Variants in UNC5C observed in about 807,000 individuals in gnomAD.
The protein encoded by UNC5C is unc-5 netrin receptor C, also known as netrin receptor UNC5C.
Under a neutral mutation model 99.8 loss-of-function variants are expected in UNC5C, and 47 were observed. That is an observed-to-expected ratio of 0.47 (90% CI 0.37 to 0.60). The LOEUF (loss-of-function observed/expected upper bound fraction) is 0.60. UNC5C is among the 20% of genes least tolerant of loss of function. The pLI, the probability that UNC5C is intolerant of heterozygous loss-of-function variation, is 0.00. For missense variants in UNC5C, 1,062 were observed against 1,165.9 expected, an observed-to-expected ratio of 0.91 and a Z score of 1.30; for synonymous variants, 487 against 452.2, an observed-to-expected ratio of 1.08 and a Z score of -0.98.
intron 2 of UNC5C, among the ~76,000 whole-genome samples, chr4:95,309,021 G>A (rs1216722825): frequency 6.6e-6 from 1 of 152,164 alleles, no homozygotes; most frequent in Non-Finnish European, 1.5e-5. Context: ...CACACTACTT[G>A]ATCTCCACAT....
chr4:95,186,051 A>C (rs1455615310), intron 12 of UNC5C, among the ~76,000 whole-genome samples: 5 of 152,190 alleles, frequency 3.3e-5, no homozygotes, highest in African/African-American at 7.2e-5. Flanking sequence ...AGCATTTCCA[A>C]CTGCAGCTGT....
intron 1 of UNC5C, among the ~76,000 whole-genome samples, chr4:95,369,976 A>C (rs1183221309): frequency 6.6e-6 from 1 of 151,986 alleles, no homozygotes; most frequent in African/African-American, 2.4e-5. Flanking sequence ...TTCACTGTCC[A>C]CAAGAATACA....
chr4:95,268,730 C>T (rs1452994828), intron 4 of UNC5C, among the ~76,000 whole-genome samples: 1 of 152,184 alleles, frequency 6.6e-6, no homozygotes, highest in Non-Finnish European at 1.5e-5. Flanking sequence ...CCACATGCCA[C>T]CCAACATGAA....
intron 1 of UNC5C, among the ~76,000 whole-genome samples, chr4:95,475,179 A>T (rs1031732392): frequency 3.9e-5 from 6 of 152,132 alleles, no homozygotes; most frequent in Non-Finnish European, 7.4e-5. Flanking sequence ...GGGATAATCT[A>T]GTCTTAAATT....
At chr4:95,202,993 T>TAA (rs1342739992) in intron 11 of UNC5C, 29 bp from the exon 12 acceptor site, 2 of 1,610,892 alleles carry the variant, frequency 1.2e-6, no homozygotes, top group Non-Finnish European at 1.7e-6. Flanking sequence ...GGGCCATGGC[T>TAA]AAGTCACCCA....
intron 2 of UNC5C, among the ~76,000 whole-genome samples, chr4:95,313,650 C>G (rs1742360501): frequency 6.6e-6 from 1 of 152,166 alleles, no homozygotes; most frequent in East Asian, 1.9e-4. Flanking sequence ...TTCTGAGTGA[C>G]TACCACTTAA....
intron 14 of UNC5C, among the ~76,000 whole-genome samples, chr4:95,178,324 G>GC (rs900843777): frequency 2.0e-4 from 31 of 152,318 alleles, no homozygotes; most frequent in African/African-American, 6.0e-4. Flanking sequence ...GTGCCCTGGG[G>GC]CCCCCCTGGG....
intron 1 of UNC5C, among the ~76,000 whole-genome samples, chr4:95,371,935 G>A (rs1463488646): frequency 6.6e-6 from 1 of 152,106 alleles, no homozygotes. Flanking sequence ...TTCAAGCTAT[G>A]TGTCTTTCTG....
intron 3 of UNC5C, among the ~76,000 whole-genome samples, chr4:95,292,619 T>G (rs1741519382): frequency 1.3e-5 from 2 of 152,028 alleles, no homozygotes; most frequent in African/African-American, 4.8e-5. Flanking sequence ...AATAAGTAAA[T>G]GTATGATGGT....
intron 1 of UNC5C, among the ~76,000 whole-genome samples, chr4:95,547,485 T>C (rs943809487): frequency 6.6e-6 from 1 of 152,154 alleles, no homozygotes; most frequent in Non-Finnish European, 1.5e-5. Flanking sequence ...GGGGCTATCG[T>C]AAAGCCTCCC....
chr4:95,265,903 G>A (rs368873726), intron 4 of UNC5C, among the ~76,000 whole-genome samples: 10 of 151,982 alleles, frequency 6.6e-5, no homozygotes, highest in South Asian at 2.1e-4. Flanking sequence ...AATGAGATAC[G>A]AAAAGAAAGC....
chr4:95,443,555 G>T (rs139803715), intron 1 of UNC5C, among the ~76,000 whole-genome samples: 79 of 152,232 alleles, frequency 5.2e-4, no homozygotes, highest in African/African-American at 1.8e-3. Context: ...GAGGAATCTA[G>T]GACCTTTGAG....
chr4:95,307,120 T>C (rs983950802), intron 2 of UNC5C, among the ~76,000 whole-genome samples: 2 of 150,508 alleles, frequency 1.3e-5, no homozygotes, highest in African/African-American at 5.0e-5. Context: ...TAAAGTGTGA[T>C]AACTTAAAAG....
chr4:95,369,858 C>T (rs967640179), intron 1 of UNC5C, among the ~76,000 whole-genome samples: 1 of 150,454 alleles, frequency 6.6e-6, no homozygotes, highest in Admixed American at 6.6e-5. Flanking sequence ...GTTGAAATGA[C>T]AAGTATGGAT....
At chr4:95,294,343 G>A (rs1040728971) in intron 3 of UNC5C, among the ~76,000 whole-genome samples, 1 of 152,186 alleles carries the variant, frequency 6.6e-6, no homozygotes, top group Non-Finnish European at 1.5e-5. Context: ...AAAATGATGA[G>A]TGAGCTGTGA....
chr4:95,437,268 A>G (rs1164889232), intron 1 of UNC5C, among the ~76,000 whole-genome samples: 2 of 151,818 alleles, frequency 1.3e-5, no homozygotes, highest in African/African-American at 2.4e-5. Context: ...CAAAAAATTC[A>G]TATTTAGATA....
At chr4:95,425,565 G>T (rs1382311760) in intron 1 of UNC5C, among the ~76,000 whole-genome samples, 1 of 152,106 alleles carries the variant, frequency 6.6e-6, no homozygotes, top group South Asian at 2.1e-4. Context: ...CTCGTGATCC[G>T]CCCAAAGTGT....
chr4:95,367,883 T>C (rs1225010107), intron 1 of UNC5C, among the ~76,000 whole-genome samples: 1 of 152,184 alleles, frequency 6.6e-6, no homozygotes, highest in Non-Finnish European at 1.5e-5. Flanking sequence ...ACATTATAGA[T>C]CATGTTAGCA....
chr4:95,261,893 T>G (rs1461477903), intron 4 of UNC5C, among the ~76,000 whole-genome samples: 1 of 152,106 alleles, frequency 6.6e-6, no homozygotes, highest in African/African-American at 2.4e-5. Context: ...TTACTAGAGA[T>G]GGGGTTTCAC....
Sources: gnomAD v4.1 joint callset for allele counts (sites outside exome capture counted in the v4.1 genomes callset) on GRCh38, gnomAD v4.1.1 for gene constraint, MANE v1.5 for transcripts, NCBI Gene and HGNC (gene_info 2026-07-23, HGNC 2026-07-21) for gene names.